The following USP34 variants were observed in gnomAD, a reference collection of about 807,000 sequenced individuals.
The protein encoded by USP34 is ubiquitin specific peptidase 34, also known as ubiquitin carboxyl-terminal hydrolase 34.
Under a neutral mutation model 460.3 loss-of-function variants are expected in USP34, and 70 were observed. That is an observed-to-expected ratio of 0.15 (90% CI 0.13 to 0.19). The LOEUF is 0.19. Among genes scored for constraint, USP34 ranks in the 10% least tolerant of loss-of-function variants. USP34 has a pLI of 1.00. For missense variants in USP34, 3,985 were observed against 4,236.2 expected, an observed-to-expected ratio of 0.94 and a Z score of 1.65; for synonymous variants, 1,647 against 1,405.3, an observed-to-expected ratio of 1.17 and a Z score of -3.85.
intron 27 of USP34, among the ~76,000 whole-genome samples, chr2:61,305,820 G>GA (rs1690385894): frequency 6.6e-6 from 1 of 151,854 alleles, no homozygotes; most frequent in African/African-American, 2.4e-5. Flanking sequence ...AAAAGATAAG[G>GA]AAAACCACCA....
At chr2:61,323,847 G>A (rs1343870489) in intron 21 of USP34, among the ~76,000 whole-genome samples, 2 of 152,048 alleles carry the variant, frequency 1.3e-5, no homozygotes, top group Non-Finnish European at 2.9e-5. Context: ...CAGTCATAAT[G>A]GGTCAATAAA....
intron 77 of USP34, 27 bp from the exon 78 acceptor site, chr2:61,190,441 C>CG: frequency 6.3e-7 from 1 of 1,598,824 alleles, no homozygotes; most frequent in Non-Finnish European, 8.5e-7. Flanking sequence ...AAAAAAATCT[C>CG]CAAAAGACCA....
At chr2:61,280,839 A>G (rs1350572949) in intron 38 of USP34, among the ~76,000 whole-genome samples, 1 of 152,226 alleles carries the variant, frequency 6.6e-6, no homozygotes, top group Non-Finnish European at 1.5e-5. Flanking sequence ...ACCGAGTGAG[A>G]ATAAATGCTA....
At chr2:61,360,448 C>A (rs956910758) in intron 10 of USP34, among the ~76,000 whole-genome samples, 1 of 152,012 alleles carries the variant, frequency 6.6e-6, no homozygotes, top group African/African-American at 2.4e-5. Flanking sequence ...TTTACCACAG[C>A]AACAAAAGTA....
chr2:61,369,459 A>G (rs770316699), intron 10 of USP34, among the ~76,000 whole-genome samples: 4 of 152,086 alleles, frequency 2.6e-5, no homozygotes, highest in Non-Finnish European at 4.4e-5. Context: ...CCTGACCAAC[A>G]TAGCGAAACC....
At chr2:61,229,654 C>A in intron 58 of USP34, 21 bp from the exon 59 acceptor site, 1 of 1,589,896 alleles carries the variant, frequency 6.3e-7, no homozygotes. Context: ...AGAAAAAGAT[C>A]AAACAAGAGC....
intron 48 of USP34, among the ~76,000 whole-genome samples, chr2:61,253,773 C>T (rs1321740235): frequency 1.3e-5 from 2 of 150,008 alleles, no homozygotes; most frequent in East Asian, 3.9e-4. Context: ...CTTGCTCTGT[C>T]ACCCAGGCTG....
chr2:61,263,928 C>A (rs1173713454), intron 43 of USP34, among the ~76,000 whole-genome samples: 5 of 152,170 alleles, frequency 3.3e-5, no homozygotes, highest in Non-Finnish European at 7.3e-5. Flanking sequence ...ATAATCAGCA[C>A]ATCTGAGTGT....
At chr2:61,271,695 G>A (rs951737771) in intron 41 of USP34, among the ~76,000 whole-genome samples, 2 of 152,038 alleles carry the variant, frequency 1.3e-5, no homozygotes, top group Non-Finnish European at 2.9e-5. Context: ...GAGAAAGGAG[G>A]GGAAGAAGGG....
rs564141563 is a variant in USP34, at chr2:61,348,106, T to C, written c.2049A>G (p.Pro683=). 1.2e-5 allele frequency: 19 copies of C among 1,614,232 alleles called. No individual in the cohort carries two copies. The South Asian group carries it at 1.2e-4, about 10-fold the overall frequency. The change falls in exon 15 of 80, where the codon CCA becomes CCG. Residue 683 remains proline (P), a synonymous_variant. Coordinates refer to ENST00000398571, the MANE Select transcript of USP34 (RefSeq NM_014709.4). ...KDLVFNTESL[P]SVDNRMRMLD... is the part of the protein sequence containing the mutation. Reference sequence around the variant, plus strand: ...GCATTCGCATTCGATTATCTACTGATGGCAATGATTCAGTGTTAAAAACCA... The same window carrying C: ...GCATTCGCATTCGATTATCTACTGACGGCAATGATTCAGTGTTAAAAACCA...
At chr2:61,224,843 G>C (rs370098362) in intron 62 of USP34, among the ~76,000 whole-genome samples, 1 of 152,142 alleles carries the variant, frequency 6.6e-6, no homozygotes, top group African/African-American at 2.4e-5. Flanking sequence ...AGAAACCTCC[G>C]TAAGTTGGCT....
chr2:61,238,728 AG>A (rs1688144417), intron 53 of USP34, among the ~76,000 whole-genome samples: 2 of 152,208 alleles, frequency 1.3e-5, no homozygotes, highest in Non-Finnish European at 2.9e-5. Context: ...GAACAATTAT[AG>A]AAAAAATTGT....
At position 61,331,247 on chromosome 2, in the gene USP34, T is replaced by G. The variant is rs372359811; in HGVS notation, c.2930+29A>C. ...TTCAAAGGAAAGACATCGACACAAATGTATTTAACCCAGTTGAGAGGTACT... is the reference window on the plus strand; with the variant it reads ...TTCAAAGGAAAGACATCGACACAAAGGTATTTAACCCAGTTGAGAGGTACT... On this transcript the variant is annotated intron_variant, in intron 20 of 79. Transcript: ENST00000398571. 1.9e-6 allele frequency: 3 copies of G among 1,557,520 alleles called. No individual in the cohort carries two copies. In the South Asian group the frequency reaches 3.6e-5, roughly 18 times the overall value.
chr2:61,406,347 C>A (rs1693870152), intron 2 of USP34, among the ~76,000 whole-genome samples: 1 of 151,966 alleles, frequency 6.6e-6, no homozygotes, highest in Non-Finnish European at 1.5e-5. Flanking sequence ...CAGCTATTAT[C>A]TTCAGTTTTA....
At chr2:61,391,616 C>T (rs1290113338) in intron 5 of USP34, among the ~76,000 whole-genome samples, 2 of 152,138 alleles carry the variant, frequency 1.3e-5, no homozygotes, top group Non-Finnish European at 2.9e-5. Flanking sequence ...ATAGAGACCT[C>T]ACCCTATTGA....
At chr2:61,263,173 A>ATTTTTTTTTTTTTTT (rs36015748) in intron 43 of USP34, among the ~76,000 whole-genome samples, 1 of 97,780 alleles carries the variant, frequency 1.0e-5, no homozygotes, top group Non-Finnish European at 2.0e-5. Context: ...CACACATGGA[A>ATTTTTTTTTTTTTTT]TTTTTTTTTT....
intron 43 of USP34, among the ~76,000 whole-genome samples, chr2:61,261,086 G>A (rs1218023898): frequency 6.6e-6 from 1 of 152,136 alleles, no homozygotes; most frequent in Admixed American, 6.5e-5. Flanking sequence ...TAAGCCCTAT[G>A]GAAAAGGTAA....
intron 10 of USP34, among the ~76,000 whole-genome samples, chr2:61,355,241 T>A (rs571000395): frequency 4.1e-4 from 63 of 152,122 alleles, no homozygotes; most frequent in African/African-American, 1.5e-3. Context: ...AGAAAAAAAA[T>A]GAGACAAATG....
At chr2:61,389,737 C>T (rs1366995172) in intron 5 of USP34, among the ~76,000 whole-genome samples, 1 of 151,986 alleles carries the variant, frequency 6.6e-6, no homozygotes, top group Non-Finnish European at 1.5e-5. Context: ...TGTCCTTTAT[C>T]ATTTTTTTTT....
Sources: allele counts gnomAD v4.1 joint callset (sites outside exome capture counted in the v4.1 genomes callset), GRCh38; gene constraint gnomAD v4.1.1; transcripts MANE v1.5; gene names NCBI Gene and HGNC (gene_info 2026-07-23, HGNC 2026-07-21).